Variants in COL25A1 observed in about 807,000 individuals in gnomAD.
COL25A1 encodes the protein collagen alpha-1(XXV) chain.
COL25A1 carries 103 observed loss-of-function variants against 128.4 expected under a neutral mutation model. The observed-to-expected ratio is 0.80, with a 90% confidence interval of 0.68 to 0.94. COL25A1 has a LOEUF of 0.94. COL25A1 is among the 40% of genes least tolerant of loss of function. The pLI is 0.00. For synonymous variants in COL25A1, 279 were observed against 277.2 expected (o/e 1.01, Z -0.06); for missense variants, 745 against 840.0 (o/e 0.89, Z 1.40).
chr4:108,914,446 C>G, intron 13 of COL25A1, among the ~76,000 whole-genome samples: 1 of 152,096 alleles, frequency 6.6e-6, no homozygotes, highest in Non-Finnish European at 1.5e-5. Flanking sequence ...ATGTGTTTCT[C>G]TTTCTTGTAT....
intron 5 of COL25A1, among the ~76,000 whole-genome samples, chr4:109,022,773 T>A (rs1757891132): frequency 6.6e-6 from 1 of 152,194 alleles, no homozygotes; most frequent in Non-Finnish European, 1.5e-5. Flanking sequence ...TCTGAAAGTA[T>A]ACACCAGAGC....
At chr4:109,085,851 T>C (rs1263500397) in intron 3 of COL25A1, among the ~76,000 whole-genome samples, 1 of 152,190 alleles carries the variant, frequency 6.6e-6, no homozygotes, top group Non-Finnish European at 1.5e-5. Flanking sequence ...GTTAAAAGAA[T>C]AAATGATAGC....
chr4:108,935,969 G>C (rs1747354910), intron 11 of COL25A1, among the ~76,000 whole-genome samples: 1 of 152,174 alleles, frequency 6.6e-6, no homozygotes, highest in African/African-American at 2.4e-5. Flanking sequence ...GTGCACACCT[G>C]GGGACAAACA....
intron 8 of COL25A1, among the ~76,000 whole-genome samples, chr4:108,963,631 T>G (rs992594442): frequency 6.6e-6 from 1 of 152,112 alleles, no homozygotes; most frequent in Non-Finnish European, 1.5e-5. Flanking sequence ...TAAAAAAGCT[T>G]GCTTAAATAT....
At chr4:109,112,963 C>A (rs1328339403) in intron 3 of COL25A1, among the ~76,000 whole-genome samples, 1 of 152,014 alleles carries the variant, frequency 6.6e-6, no homozygotes, top group Non-Finnish European at 1.5e-5. Flanking sequence ...ACTAAAGACC[C>A]CTGAACAGTC....
chr4:109,108,257 A>G (rs1225940530), intron 3 of COL25A1, among the ~76,000 whole-genome samples: 2 of 151,642 alleles, frequency 1.3e-5, no homozygotes, highest in Admixed American at 1.3e-4. Flanking sequence ...TTCAATTCCC[A>G]CCTATGAGTG....
chr4:109,034,478 C>T (rs1759159273), intron 5 of COL25A1, among the ~76,000 whole-genome samples: 1 of 152,142 alleles, frequency 6.6e-6, no homozygotes, highest in Non-Finnish European at 1.5e-5. Flanking sequence ...TTCATTGTCT[C>T]CACGTTCATC....
intron 3 of COL25A1, among the ~76,000 whole-genome samples, chr4:109,196,994 A>G (rs1776094586): frequency 6.6e-6 from 1 of 152,092 alleles, no homozygotes; most frequent in Non-Finnish European, 1.5e-5. Context: ...TATATTTATC[A>G]AACCATATGT....
At chr4:109,019,226 A>G (rs1364441463) in intron 5 of COL25A1, among the ~76,000 whole-genome samples, 2 of 151,686 alleles carry the variant, frequency 1.3e-5, no homozygotes, top group Non-Finnish European at 2.9e-5. Context: ...TCAGACTCCA[A>G]GTTCTTCAGT....
Position 109,065,151 on chromosome 4 carries a change from G to A in COL25A1, c.368-14972C>T, listed in dbSNP as rs570268387. 2.6e-5 allele frequency among the ~76,000 whole-genome samples: 4 copies of A among 152,324 alleles called. No homozygotes were observed. The East Asian group carries it at 7.7e-4, about 30-fold the overall frequency. ...GCTGAGAAATTCCAAAGGGATTGAGGAGGGGAAGTGCTCAGGGCATGATGC... is the reference window on the plus strand; with the variant it reads ...GCTGAGAAATTCCAAAGGGATTGAGAAGGGGAAGTGCTCAGGGCATGATGC... On this transcript the variant is annotated intron_variant, in intron 3 of 37. Transcript: ENST00000399132.
intron 3 of COL25A1, among the ~76,000 whole-genome samples, chr4:109,201,367 C>A (rs894399502): frequency 2.6e-5 from 4 of 152,056 alleles, no homozygotes; most frequent in African/African-American, 9.7e-5. Flanking sequence ...ATCCACCACA[C>A]AACAGGCTAA....
At chr4:109,197,290 C>T (rs113476987) in intron 3 of COL25A1, among the ~76,000 whole-genome samples, 2,971 of 145,120 alleles carry the variant, frequency 0.02, 63 homozygotes, top group Non-Finnish European at 0.03. Context: ...CACACCACTG[C>T]ACTTCAGCCT....
At chr4:109,240,232 C>G (rs934071556) in intron 3 of COL25A1, among the ~76,000 whole-genome samples, 4 of 152,024 alleles carry the variant, frequency 2.6e-5, no homozygotes. Context: ...CTGTGCATAA[C>G]TGTATGTGCT....
At chr4:109,208,522 A>G (rs1236334970) in intron 3 of COL25A1, among the ~76,000 whole-genome samples, 2 of 152,008 alleles carry the variant, frequency 1.3e-5, no homozygotes, top group Non-Finnish European at 2.9e-5. Context: ...TCATTCAGAT[A>G]GTTTAAAAAC....
intron 3 of COL25A1, among the ~76,000 whole-genome samples, chr4:109,091,380 A>G (rs1425251917): frequency 6.6e-6 from 1 of 152,194 alleles, no homozygotes; most frequent in Non-Finnish European, 1.5e-5. Flanking sequence ...AGTCTTTCTC[A>G]GTCCAAAGTA....
chr4:109,008,734 T>C (rs1214649835), intron 6 of COL25A1, among the ~76,000 whole-genome samples: 2 of 134,112 alleles, frequency 1.5e-5, no homozygotes, highest in Non-Finnish European at 3.0e-5. Flanking sequence ...TTTCTGTATG[T>C]TTATACACAT....
At position 109,302,041 on chromosome 4, in the gene COL25A1, G is replaced by T; in HGVS notation, c.-22C>A. 1 of 1,562,010 alleles carries T rather than the reference G, an allele frequency of 6.4e-7. No homozygotes were observed. On this transcript the variant is annotated 5_prime_UTR_variant, in exon 2 of 38. Coordinates refer to ENST00000399132, the MANE Select transcript of COL25A1 (RefSeq NM_198721.4). ...GCATCGTGGCGGGGTCGGCCGTCTCGGCTTCGCTTCCCACCCTCTACACCT... is the reference window on the plus strand; with the variant it reads ...GCATCGTGGCGGGGTCGGCCGTCTCTGCTTCGCTTCCCACCCTCTACACCT...
intron 9 of COL25A1, 93 bp downstream of exon 9, chr4:108,941,262 ACCACCCACACC>A (rs1748052959): frequency 1.3e-6 from 1 of 768,000 alleles, no homozygotes; most frequent in South Asian, 2.4e-5. Flanking sequence ...ATGCCCACAT[ACCACCCACACC>A]CCACCCATAA....
intron 37 of COL25A1, among the ~76,000 whole-genome samples, chr4:108,815,010 T>C (rs1327397451): frequency 6.6e-6 from 1 of 152,202 alleles, no homozygotes; most frequent in African/African-American, 2.4e-5. Flanking sequence ...CTCAATATTC[T>C]TGCCTGTCAT....
Sources: allele counts gnomAD v4.1 joint callset (sites outside exome capture counted in the v4.1 genomes callset), GRCh38; gene constraint gnomAD v4.1.1; transcripts MANE v1.5; gene names NCBI Gene and HGNC (gene_info 2026-07-23, HGNC 2026-07-21).